Variants in NRXN3 observed in about 807,000 individuals in gnomAD.
The protein encoded by NRXN3 is neurexin III.
In NRXN3, 32 loss-of-function variants were observed where a neutral mutation model predicts 137.6. The observed-to-expected ratio is 0.23, with a 90% confidence interval of 0.18 to 0.31. The LOEUF (loss-of-function observed/expected upper bound fraction) is 0.31, where lower values mean the gene tolerates loss of function less well. NRXN3 is among the 10% of genes least tolerant of loss of function. The pLI, the probability that NRXN3 is intolerant of heterozygous loss-of-function variation, is 1.00. For synonymous variants in NRXN3, 798 were observed against 784.5 expected, an observed-to-expected ratio of 1.02 and a Z score of -0.29; for missense variants, 1,574 against 2,062.5, an observed-to-expected ratio of 0.76 and a Z score of 4.59.
At chr14:78,525,587 A>G (rs1328852933) in intron 4 of NRXN3, among the ~76,000 whole-genome samples, 7 of 152,184 alleles carry the variant, frequency 4.6e-5, no homozygotes, top group Non-Finnish European at 4.4e-5. Flanking sequence ...ACCACTTGCC[A>G]TGGTACTAAA....
chr14:79,867,933 G>A lies in NRXN3; in HGVS notation c.*5969G>A, dbSNP rs982826475. On this transcript the variant is annotated 3_prime_UTR_variant, in exon 21 of 21. Coordinates refer to ENST00000335750, the MANE Select transcript of NRXN3 (RefSeq NM_001330195.2). The stretch of plus-strand genomic sequence containing the variant: ...TCAGATCTTGGGAGATGTATTAAAT[G>A]AGTAGAGTGAATTTCAAGATATCTG... The A allele has an allele frequency of 4.1e-5, 6 of 146,498 alleles. No individual in the cohort carries two copies. Among genetic ancestry groups the A allele is most frequent in the African/African-American group, 1.5e-4 (6 of 39,208 alleles). The allele number at this position is 146,498 out of a possible 1,614,324, so 9.1% of individuals were successfully genotyped here.
chr14:79,733,961 C>G (rs2098933255), intron 19 of NRXN3, among the ~76,000 whole-genome samples: 1 of 152,108 alleles, frequency 6.6e-6, no homozygotes, highest in South Asian at 2.1e-4. Flanking sequence ...AAACATGACT[C>G]TAGCTAGCTT....
chr14:79,273,547 T>A (rs1490506977), intron 15 of NRXN3, among the ~76,000 whole-genome samples: 13 of 152,004 alleles, frequency 8.6e-5, no homozygotes, highest in Non-Finnish European at 2.9e-5. Context: ...GGCAGGAGAA[T>A]GGCATGAACC....
chr14:79,422,286 A>G (rs2095588948), intron 15 of NRXN3, among the ~76,000 whole-genome samples: 1 of 150,200 alleles, frequency 6.7e-6, no homozygotes. Context: ...CTGGGCTTGA[A>G]CTCCTGGGCT....
intron 16 of NRXN3, among the ~76,000 whole-genome samples, chr14:79,471,824 C>G (rs1315626462): frequency 1.3e-5 from 2 of 152,070 alleles, no homozygotes; most frequent in Non-Finnish European, 2.9e-5. Context: ...GCTATGAGCA[C>G]TTTTCTTCTT....
intron 20 of NRXN3, among the ~76,000 whole-genome samples, chr14:79,805,974 C>T (rs186488958): frequency 7.9e-5 from 12 of 152,264 alleles, no homozygotes; most frequent in Admixed American, 6.5e-4. Flanking sequence ...TAATGTCCAG[C>T]AGGCAATTGC....
At chr14:79,412,158 T>C (rs2095425914) in intron 15 of NRXN3, among the ~76,000 whole-genome samples, 1 of 152,116 alleles carries the variant, frequency 6.6e-6, no homozygotes, top group Non-Finnish European at 1.5e-5. Flanking sequence ...GCACCAAGTA[T>C]ATATGGTCCT....
chr14:78,968,137 T>C, intron 13 of NRXN3, 36 bp from the exon 14 acceptor site: 1 of 1,328,208 alleles, frequency 7.5e-7, no homozygotes, highest in South Asian at 1.3e-5. Context: ...CCACATCCTT[T>C]ACTCATTCTC....
intron 15 of NRXN3, among the ~76,000 whole-genome samples, chr14:79,305,184 A>G (rs2085838582): frequency 6.6e-6 from 1 of 152,066 alleles, no homozygotes; most frequent in Admixed American, 6.5e-5. Context: ...AAGAGCTAAT[A>G]TGGTATGTGT....
At chr14:78,445,090 C>T (rs1019721608) in intron 4 of NRXN3, among the ~76,000 whole-genome samples, 6 of 152,010 alleles carry the variant, frequency 3.9e-5, no homozygotes, top group African/African-American at 1.2e-4. Flanking sequence ...TTTTGCGAAC[C>T]AATTAACTAA....
intron 1 of NRXN3, among the ~76,000 whole-genome samples, chr14:78,188,011 A>G (rs1404515706): frequency 1.3e-5 from 2 of 152,164 alleles, no homozygotes; most frequent in East Asian, 1.9e-4. Context: ...AAATTAACAC[A>G]TAGGGAGCAC....
At chr14:79,461,808 G>T (rs1036542220) in intron 15 of NRXN3, among the ~76,000 whole-genome samples, 4 of 152,092 alleles carry the variant, frequency 2.6e-5, no homozygotes, top group Non-Finnish European at 5.9e-5. Context: ...CACGAATGTG[G>T]ATAAGCTTGT....
At chr14:78,728,132 G>A (rs2098495643) in intron 8 of NRXN3, among the ~76,000 whole-genome samples, 1 of 152,322 alleles carries the variant, frequency 6.6e-6, no homozygotes. Flanking sequence ...AATTTCAGAG[G>A]TGCTCTTGCT....
intron 6 of NRXN3, among the ~76,000 whole-genome samples, chr14:78,673,606 C>T (rs2097961185): frequency 6.6e-6 from 1 of 152,216 alleles, no homozygotes; most frequent in African/African-American, 2.4e-5. Context: ...ATTTATTTCT[C>T]ATGGTTCTGG....
rs886404667 is a variant in NRXN3, at chr14:78,422,885, G to T, written c.757+125025G>T. On this transcript the variant is annotated intron_variant, in intron 4 of 20. Transcript: ENST00000335750. ...GGAGTCTCACATCCTGAAACCCAGG[G>T]CTAATCCTCCCCAAGAGAGACGTGG... is the stretch of plus-strand genomic sequence containing the variant. 2.6e-5 allele frequency among the ~76,000 whole-genome samples: 4 copies of T among 152,270 alleles called. No homozygotes were observed. In the East Asian group the frequency reaches 7.7e-4, roughly 29 times the overall value.
chr14:79,779,657 A>G (rs1413857368), intron 19 of NRXN3, among the ~76,000 whole-genome samples: 3 of 151,834 alleles, frequency 2.0e-5, no homozygotes, highest in Admixed American at 6.6e-5. Context: ...CTCCCTGGGA[A>G]CTCTCTCTAC....
intron 15 of NRXN3, among the ~76,000 whole-genome samples, chr14:79,108,981 A>T (rs1425496388): frequency 6.6e-6 from 1 of 152,190 alleles, no homozygotes; most frequent in Non-Finnish European, 1.5e-5. Flanking sequence ...TTTCCCTTGT[A>T]ATCACTCTAA....
chr14:79,757,978 T>TC (rs1202070328), intron 19 of NRXN3, among the ~76,000 whole-genome samples: 1 of 152,164 alleles, frequency 6.6e-6, no homozygotes, highest in Non-Finnish European at 1.5e-5. Flanking sequence ...ATACTTTTTT[T>TC]CCCCTCCAAT....
At chr14:78,864,581 A>G (rs1254344824) in intron 10 of NRXN3, among the ~76,000 whole-genome samples, 1 of 152,160 alleles carries the variant, frequency 6.6e-6, no homozygotes, top group Non-Finnish European at 1.5e-5. Context: ...TAAAAGATTT[A>G]TTTTCCCACC....
Sources: gnomAD v4.1 joint callset for allele counts (sites outside exome capture counted in the v4.1 genomes callset) on GRCh38, gnomAD v4.1.1 for gene constraint, MANE v1.5 for transcripts, NCBI Gene and HGNC (gene_info 2026-07-23, HGNC 2026-07-21) for gene names.